The following PCDH11X variants were observed in gnomAD, a reference collection of about 807,000 sequenced individuals.
The protein encoded by PCDH11X is protocadherin-11 X-linked.
PCDH11X carries 18 observed loss-of-function variants against 53.3 expected under a neutral mutation model. That is an observed-to-expected ratio of 0.34 (90% confidence interval 0.23 to 0.50). The LOEUF is 0.50. Ranked by LOEUF, PCDH11X falls within the 20% of genes least tolerant of loss-of-function variation. The probability of loss-of-function intolerance (pLI) is 0.98; values close to 1 mark genes in which losing one functional copy is unlikely to be tolerated. For synonymous variants in PCDH11X, 279 were observed against 393.3 expected (o/e 0.71, Z 3.44); for missense variants, 570 against 1,032.4 (o/e 0.55, Z 6.14).
intron 10 of PCDH11X, among the ~76,000 whole-genome samples, chrX:92,547,941 T>C (rs2074887110): frequency 9.1e-6 from 1 of 109,504 alleles, no homozygotes; most frequent in African/African-American, 3.3e-5. Flanking sequence ...ATTTTGGCAA[T>C]ACAGAAATTA....
rs866082615 is a variant in PCDH11X at position 92,297,039 on chromosome X, G to A, written c.3144+33896G>A. Among the ~76,000 whole-genome samples, 658 of 75,370 alleles carry A rather than the reference G, an allele frequency of 8.7e-3. 16 individuals carry two copies. Among genetic ancestry groups the A allele is most frequent in the African/African-American group, 0.031 (627 of 19,942 alleles). 65.4% of individuals were successfully genotyped at this position (75,370 alleles called of 115,157 possible). A position where few individuals can be genotyped will look rare whatever the true frequency, so the allele number is the denominator to read the frequency against. On this transcript the variant is annotated intron_variant, in intron 8 of 10. Transcript: ENST00000682573. The stretch of plus-strand genomic sequence containing the variant: ...CACATATATATTCCTTGCAGATTAT[G>A]GATATTAGACCTTTGTTGGATGCAT...
chrX:91,989,285 G>A (rs1041479285), intron 6 of PCDH11X, among the ~76,000 whole-genome samples: 11 of 111,218 alleles, frequency 9.9e-5, no homozygotes, highest in East Asian at 2.8e-4. Context: ...AAAGAAGGCC[G>A]GGCGCGGTGG....
At chrX:91,850,684 A>G (rs1005633632) in intron 5 of PCDH11X, among the ~76,000 whole-genome samples, 1 of 111,846 alleles carries the variant, frequency 8.9e-6, no homozygotes, top group African/African-American at 3.2e-5. Context: ...CTTTCCAAAT[A>G]CAACATTTGT....
intron 5 of PCDH11X, among the ~76,000 whole-genome samples, chrX:91,865,854 T>C (rs193160378): frequency 4.9e-4 from 55 of 111,442 alleles, no homozygotes; most frequent in African/African-American, 1.7e-3. Flanking sequence ...TTAAGTCAGC[T>C]TGTGGTGATT....
intron 6 of PCDH11X, among the ~76,000 whole-genome samples, chrX:92,135,595 G>T (rs1361831978): frequency 9.0e-6 from 1 of 110,914 alleles, no homozygotes; most frequent in Non-Finnish European, 1.9e-5. Flanking sequence ...CAAGAATAGG[G>T]TTTATGTTTC....
chrX:91,812,091 AC>A (rs1936311039), intron 4 of PCDH11X, among the ~76,000 whole-genome samples: 2 of 110,750 alleles, frequency 1.8e-5, no homozygotes. Context: ...ACTCCAGTGC[AC>A]CCCCACAACT....
intron 5 of PCDH11X, among the ~76,000 whole-genome samples, chrX:91,843,435 G>A (rs892323679): frequency 1.0e-4 from 11 of 105,248 alleles, no homozygotes; most frequent in African/African-American, 3.8e-4. Flanking sequence ...TTAGCCTCCC[G>A]AGTAGCTGGG....
At chrX:92,114,433 C>G in intron 6 of PCDH11X, 1 of 849,766 alleles carries the variant, frequency 1.2e-6, no homozygotes, top group Non-Finnish European at 1.8e-6. Context: ...GCCATTGTCT[C>G]TGGATCAGGA....
At chrX:92,552,376 A>C in intron 10 of PCDH11X, among the ~76,000 whole-genome samples, 1 of 107,740 alleles carries the variant, frequency 9.3e-6, no homozygotes, top group East Asian at 2.9e-4. Flanking sequence ...ATACTACTGC[A>C]TGTTAATTTT....
At chrX:92,127,212 A>G (rs909420821) in intron 6 of PCDH11X, among the ~76,000 whole-genome samples, 12 of 109,842 alleles carry the variant, frequency 1.1e-4, no homozygotes, top group African/African-American at 4.0e-4. Flanking sequence ...TATATGTTAT[A>G]AATATTAATA....
chrX:91,962,797 C>T (rs1166624525), intron 6 of PCDH11X, among the ~76,000 whole-genome samples: 1 of 110,804 alleles, frequency 9.0e-6, no homozygotes, highest in East Asian at 2.9e-4. Context: ...TAGAAGTTCC[C>T]AAACCTCAAT....
intron 8 of PCDH11X, among the ~76,000 whole-genome samples, chrX:92,374,662 T>C (rs1395079333): frequency 1.8e-5 from 2 of 111,872 alleles, no homozygotes; most frequent in African/African-American, 6.5e-5. Flanking sequence ...CGTGAGCTTT[T>C]TGTTGGTTCA....
chrX:92,443,596 C>T, intron 9 of PCDH11X, among the ~76,000 whole-genome samples: 1 of 109,682 alleles, frequency 9.1e-6, no homozygotes, highest in Non-Finnish European at 1.9e-5. Context: ...TAAATTATAT[C>T]CCAAGGCCAA....
intron 6 of PCDH11X, among the ~76,000 whole-genome samples, chrX:91,929,703 G>A (rs1942060856): frequency 9.0e-6 from 1 of 111,475 alleles, no homozygotes; most frequent in South Asian, 3.7e-4. Flanking sequence ...TGCAAAGGAA[G>A]TGAAATAAGA....
intron 1 of PCDH11X, among the ~76,000 whole-genome samples, chrX:91,796,942 G>T (rs983934321): frequency 1.8e-5 from 2 of 111,301 alleles, no homozygotes; most frequent in Non-Finnish European, 3.8e-5. Flanking sequence ...ACCAGAATGC[G>T]AAATATAAAT....
chrX:91,918,873 A>G (rs974790553), intron 6 of PCDH11X, among the ~76,000 whole-genome samples: 9 of 111,184 alleles, frequency 8.1e-5, no homozygotes, highest in African/African-American at 2.6e-4. Context: ...CTCTTTTCAA[A>G]TATGAAGAAT....
At chrX:92,467,336 T>A (rs1214514975) in intron 9 of PCDH11X, among the ~76,000 whole-genome samples, 1 of 111,282 alleles carries the variant, frequency 9.0e-6, no homozygotes, top group African/African-American at 3.2e-5. Context: ...CATCTAAGAA[T>A]TTCATGTCTT....
chrX:92,125,921 G>A (rs943314600), intron 6 of PCDH11X, among the ~76,000 whole-genome samples: 17 of 110,178 alleles, frequency 1.5e-4, no homozygotes, highest in African/African-American at 5.3e-4. Flanking sequence ...GAGGTCAGGA[G>A]TTCAAGACCA....
intron 8 of PCDH11X, among the ~76,000 whole-genome samples, chrX:92,323,088 A>C (rs1441148594): frequency 1.8e-5 from 2 of 110,604 alleles, no homozygotes; most frequent in African/African-American, 6.5e-5. Flanking sequence ...TTAACAAGCA[A>C]GTGCATTGTA....
Sources: gnomAD v4.1 joint callset for allele counts (sites outside exome capture counted in the v4.1 genomes callset) on GRCh38, gnomAD v4.1.1 for gene constraint, MANE v1.5 for transcripts, NCBI Gene and HGNC (gene_info 2026-07-23, HGNC 2026-07-21) for gene names.